Variants in SH3RF2 observed in about 807,000 individuals in gnomAD.
The protein encoded by SH3RF2 is E3 ubiquitin-protein ligase SH3RF2.
SH3RF2 carries 43 observed loss-of-function variants against 59.0 expected under a neutral mutation model. That is an observed-to-expected ratio of 0.73 (90% CI 0.57 to 0.94). The LOEUF (loss-of-function observed/expected upper bound fraction) is 0.94, where lower values mean the gene tolerates loss of function less well. Among genes scored for constraint, SH3RF2 ranks in the 40% least tolerant of loss-of-function variants. SH3RF2 has a pLI of 0.00. For missense variants in SH3RF2, 930 were observed against 940.1 expected (o/e 0.99, Z 0.14); for synonymous variants, 391 against 391.5 (o/e 1.00, Z 0.01).
intron 2 of SH3RF2, among the ~76,000 whole-genome samples, chr5:145,996,779 G>C (rs980060550): frequency 6.6e-6 from 1 of 152,106 alleles, no homozygotes; most frequent in African/African-American, 2.4e-5. Flanking sequence ...TTAAGAAAAG[G>C]GGTTCCAGCA....
At chr5:145,945,230 AGT>A (rs144939521) in intron 2 of SH3RF2, among the ~76,000 whole-genome samples, 1,836 of 152,354 alleles carry the variant, frequency 0.012, 37 homozygotes, top group African/African-American at 0.042. Flanking sequence ...TGAAAAAAGA[AGT>A]GTCTTACCAA....
chr5:145,956,590 T>C (rs1291100923), intron 2 of SH3RF2, among the ~76,000 whole-genome samples: 2 of 152,124 alleles, frequency 1.3e-5, no homozygotes, highest in Admixed American at 1.3e-4. Context: ...TTTGCTTTAG[T>C]GTCTAAGCAT....
chr5:145,948,385 G>T (rs190354719), intron 2 of SH3RF2, among the ~76,000 whole-genome samples: 1 of 152,342 alleles, frequency 6.6e-6, no homozygotes, highest in Non-Finnish European at 1.5e-5. Context: ...CACATAAGTT[G>T]TTGGGTGGTG....
At chr5:146,053,474 C>T (rs1762567523) in intron 7 of SH3RF2, among the ~76,000 whole-genome samples, 2 of 152,008 alleles carry the variant, frequency 1.3e-5, no homozygotes, top group South Asian at 2.1e-4. Flanking sequence ...TGCAATCCTC[C>T]TCCTCCTCAA....
chr5:146,068,981 T>C (rs1015410888), intron 9 of SH3RF2, among the ~76,000 whole-genome samples: 1 of 152,180 alleles, frequency 6.6e-6, no homozygotes, highest in Non-Finnish European at 1.5e-5. Flanking sequence ...GTCCCATTTC[T>C]TTCTTCCCCT....
intron 1 of SH3RF2, 144 bp from the exon 2 acceptor site, chr5:145,937,679 T>G (rs1480695534): frequency 1.9e-6 from 1 of 521,106 alleles, no homozygotes; most frequent in Non-Finnish European, 3.4e-6. Flanking sequence ...CCTGCTAGCA[T>G]TGAATCAGAA....
At chr5:146,020,010 G>A (rs1452885138) in intron 5 of SH3RF2, among the ~76,000 whole-genome samples, 2 of 152,152 alleles carry the variant, frequency 1.3e-5, no homozygotes, top group African/African-American at 4.8e-5. Context: ...TTTTGGAGGA[G>A]TCTTTAGGGT....
At chr5:146,017,767 T>A (rs1361649456) in intron 5 of SH3RF2, among the ~76,000 whole-genome samples, 1 of 152,168 alleles carries the variant, frequency 6.6e-6, no homozygotes, top group Non-Finnish European at 1.5e-5. Flanking sequence ...CCTAGACTAT[T>A]GCTCCAGCCT....
chr5:146,079,750 C>T (rs1275264061), exon 10 of SH3RF2: 9 of 152,226 alleles, frequency 5.9e-5, no homozygotes, highest in African/African-American at 1.4e-4. Flanking sequence ...ACCCTTGTCT[C>T]GGTTAACCAC....
At position 145,938,185 on chromosome 5, in the gene SH3RF2, G is replaced by A. The variant is rs1757673585; in HGVS notation, c.257G>A (p.Gly86Asp). ...VRSGQSSGRG[G>D]SFRRPGTMTL... ...TCAGGGCAGAGCTCCGGGAGAGGGG[G>A]CTCCTTCCGCAGGCCTGGCACGATG... The change falls in exon 2 of 10, where the codon GGC becomes GAC. Residue 86 changes from glycine to aspartate, a missense_variant. Coordinates refer to ENST00000359120, the MANE Select transcript of SH3RF2 (RefSeq NM_152550.4). 6.8e-6 allele frequency: 11 copies of A among 1,613,932 alleles called. No individual in the cohort carries two copies. Among genetic ancestry groups the A allele is most frequent in the Middle Eastern group, 1.6e-4 (1 of 6,062 alleles).
downstream of SH3RF2, among the ~76,000 whole-genome samples, chr5:146,064,053 G>A (rs544772265): frequency 2.6e-5 from 4 of 152,280 alleles, no homozygotes; most frequent in African/African-American, 7.2e-5. Flanking sequence ...ATGGCAGCCC[G>A]AGGCTGGGGT....
intron 2 of SH3RF2, among the ~76,000 whole-genome samples, chr5:145,998,455 T>C (rs1186316493): frequency 6.6e-6 from 1 of 151,598 alleles, no homozygotes; most frequent in Admixed American, 6.6e-5. Flanking sequence ...TTCCCTCTTT[T>C]TTTCCATTTC....
At chr5:145,938,795 T>C (rs1344725929) in intron 2 of SH3RF2, among the ~76,000 whole-genome samples, 2 of 152,224 alleles carry the variant, frequency 1.3e-5, no homozygotes, top group Admixed American at 6.5e-5. Flanking sequence ...GCAATACTCA[T>C]TCATAATCTG....
chr5:146,055,891 T>C (rs1762646906), intron 7 of SH3RF2, 90 bp from the exon 8 acceptor site: 4 of 1,397,222 alleles, frequency 2.9e-6, no homozygotes, highest in Non-Finnish European at 3.9e-6. Flanking sequence ...TGGTATGTGG[T>C]TGGGAGCTGA....
chr5:145,983,587 T>C (rs552758728), intron 2 of SH3RF2, among the ~76,000 whole-genome samples: 3 of 152,294 alleles, frequency 2.0e-5, no homozygotes, highest in East Asian at 3.9e-4. Flanking sequence ...GATCAACAGC[T>C]GCTGAGAGCT....
At chr5:145,991,863 C>A (rs1358538586) in intron 2 of SH3RF2, among the ~76,000 whole-genome samples, 1 of 152,088 alleles carries the variant, frequency 6.6e-6, no homozygotes, top group African/African-American at 2.4e-5. Context: ...AAGCCTATAG[C>A]CTATGTCAAA....
intron 2 of SH3RF2, among the ~76,000 whole-genome samples, chr5:145,978,376 G>A (rs1332568706): frequency 6.6e-6 from 1 of 152,158 alleles, no homozygotes; most frequent in Non-Finnish European, 1.5e-5. Flanking sequence ...GCAAACTTGG[G>A]ATGGCCAACG....
chr5:146,002,609 C>T (rs533685838), intron 3 of SH3RF2, among the ~76,000 whole-genome samples: 37 of 152,092 alleles, frequency 2.4e-4, no homozygotes, highest in Non-Finnish European at 4.6e-4. Flanking sequence ...CGACCAGTAC[C>T]AGTCCGTGGC....
intron 7 of SH3RF2, among the ~76,000 whole-genome samples, chr5:146,052,532 T>C (rs1762536073): frequency 1.3e-5 from 2 of 152,178 alleles, no homozygotes; most frequent in Admixed American, 1.3e-4. Context: ...CATGGTTTTG[T>C]TTATGGGGAA....
Sources: allele counts gnomAD v4.1 joint callset (sites outside exome capture counted in the v4.1 genomes callset), GRCh38; gene constraint gnomAD v4.1.1; transcripts MANE v1.5; gene names NCBI Gene and HGNC (gene_info 2026-07-23, HGNC 2026-07-21).